The following APOBEC1 variants were observed in gnomAD, a reference collection of about 807,000 sequenced individuals.
APOBEC1 encodes apolipoprotein B mRNA editing enzyme catalytic subunit 1.
Under a neutral mutation model 26.3 loss-of-function variants are expected in APOBEC1, and 22 were observed. The ratio of observed to expected loss-of-function variants is 0.84; its 90% confidence interval spans 0.60 to 1.19. The LOEUF (loss-of-function observed/expected upper bound fraction) is 1.19. APOBEC1 is among the 50% of genes most tolerant of loss of function. The probability of loss-of-function intolerance (pLI) is 0.00; values close to 1 mark genes in which losing one functional copy is unlikely to be tolerated. For missense variants in APOBEC1, 253 were observed against 289.0 expected (o/e 0.88, Z 0.90); for synonymous variants, 77 against 95.3 (o/e 0.81, Z 1.12).
intron 1 of APOBEC1, among the ~76,000 whole-genome samples, chr12:7,662,214 A>G (rs1224188695): frequency 2.0e-5 from 3 of 152,204 alleles, no homozygotes. Flanking sequence ...ACAGTGAGCC[A>G]TGATCGCCAT....
chr12:7,663,041 T>A (rs1249457119), intron 1 of APOBEC1, among the ~76,000 whole-genome samples: 3 of 152,046 alleles, frequency 2.0e-5, no homozygotes, highest in Non-Finnish European at 4.4e-5. Context: ...TTCCTGGCAA[T>A]AAAATGGGCG....
chr12:7,659,102 C>T (rs1214091426), intron 1 of APOBEC1, among the ~76,000 whole-genome samples: 1 of 149,792 alleles, frequency 6.7e-6, no homozygotes, highest in Non-Finnish European at 1.5e-5. Context: ...CGAGACCAGC[C>T]TGACCAACAT....
chr12:7,649,875 G>A (rs889892920), intron 4 of APOBEC1, among the ~76,000 whole-genome samples, 179 bp from the exon 5 acceptor site: 2 of 151,922 alleles, frequency 1.3e-5, no homozygotes, highest in African/African-American at 4.8e-5. Context: ...GAGCGCAGTG[G>A]TGCAATCACA....
intron 4 of APOBEC1, 88 bp from the exon 5 acceptor site, chr12:7,649,784 G>A: frequency 9.2e-7 from 1 of 1,082,828 alleles, no homozygotes; most frequent in South Asian, 1.6e-5. Flanking sequence ...AATGTCAGTT[G>A]GAAGACGATT....
Position 7,651,112 on chromosome 12 carries a change from T to A in APOBEC1, c.472A>T (p.Asn158Tyr). 6.2e-7 allele frequency: 1 copy of A among 1,613,946 alleles called. No individual in the cohort carries two copies. The highest frequency in any genetic ancestry group is 8.5e-7 in the Non-Finnish European group (1 of 1,179,922). The change falls in exon 4 of 5, where the codon AAC becomes TAC. Residue 158 changes from asparagine to tyrosine, a missense_variant. Coordinates refer to ENST00000229304, the MANE Select transcript of APOBEC1 (RefSeq NM_001644.5). ...TGAGCTTCATCCCCAGGTGGGTAGT[T>A]GACAAAATTCCTCCAGCAGTGATAA... ...EYYHCWRNFV[N>Y]YPPGDEAHWP...
chr12:7,651,269 C>T (rs1418550026), intron 3 of APOBEC1, 128 bp from the exon 4 acceptor site: 1 of 665,782 alleles, frequency 1.5e-6, no homozygotes, highest in East Asian at 2.7e-5. Flanking sequence ...CATTAGACCC[C>T]CTAAAAAGAA....
chr12:7,665,125 A>G (rs772649744), intron 1 of APOBEC1, among the ~76,000 whole-genome samples: 2 of 152,152 alleles, frequency 1.3e-5, no homozygotes, highest in Admixed American at 6.6e-5. Context: ...AGCTGAAATT[A>G]CTTCCTTCAG....
At chr12:7,650,221 A>G (rs1209731038) in intron 4 of APOBEC1, among the ~76,000 whole-genome samples, 1 of 152,208 alleles carries the variant, frequency 6.6e-6, no homozygotes, top group Admixed American at 6.5e-5. Flanking sequence ...TAGAGCCAAT[A>G]TGTGTTGTAG....
chr12:7,661,037 C>CAAAAAAAAAAAAA (rs764452957), intron 1 of APOBEC1, among the ~76,000 whole-genome samples: 1 of 91,054 alleles, frequency 1.1e-5, no homozygotes, highest in African/African-American at 3.9e-5. Context: ...ACTAAAAATA[C>CAAAAAAAAAAAAA]AAAAAAAAAA....
intron 1 of APOBEC1, among the ~76,000 whole-genome samples, chr12:7,664,598 C>A (rs768542127): frequency 7.2e-5 from 11 of 152,134 alleles, no homozygotes; most frequent in Non-Finnish European, 1.5e-4. Context: ...AACCTGGAAT[C>A]TCCTCTTCTT....
chr12:7,666,965 G>A (rs932086363), upstream of APOBEC1, among the ~76,000 whole-genome samples: 17 of 150,240 alleles, frequency 1.1e-4, no homozygotes, highest in Non-Finnish European at 2.4e-4. Flanking sequence ...AGGCTGAAGT[G>A]CAATGGCGCG....
At chr12:7,662,569 C>T (rs879355569) in intron 1 of APOBEC1, among the ~76,000 whole-genome samples, 2 of 151,824 alleles carry the variant, frequency 1.3e-5, no homozygotes, top group Admixed American at 6.6e-5. Flanking sequence ...GGCGACAGAG[C>T]GAGAGAGACT....
intron 1 of APOBEC1, among the ~76,000 whole-genome samples, chr12:7,658,957 AG>A (rs1474962714): frequency 3.5e-4 from 20 of 57,774 alleles, no homozygotes; most frequent in Non-Finnish European, 1.7e-4. Flanking sequence ...CCATGTCAAA[AG>A]AAAAAAAAAA....
chr12:7,652,228 G>A (rs1433189913), intron 3 of APOBEC1, among the ~76,000 whole-genome samples: 1 of 152,198 alleles, frequency 6.6e-6, no homozygotes, highest in Non-Finnish European at 1.5e-5. Context: ...AAAGTTCTGG[G>A]ATTATAGGCA....
rs769610445 is a variant in APOBEC1 at position 7,662,073 on chromosome 12, C to G, written c.16+3784G>C. Among the ~76,000 whole-genome samples, 5 of 121,138 alleles carry G rather than the reference C, an allele frequency of 4.1e-5. No homozygotes were observed. The South Asian group carries it at 1.6e-3, about 40-fold the overall frequency. The allele number at this position is 121,138 out of a possible 152,430, so 79.5% of individuals were successfully genotyped here. A position where few individuals can be genotyped will look rare whatever the true frequency, so the allele number is the denominator to read the frequency against. ...TACCGTAAGCAACACAGCAAGACCC[C>G]GTCTCTAAAAACAAAACAAAACAAA... On this transcript the variant is annotated intron_variant, in intron 1 of 4. Coordinates refer to ENST00000229304, the MANE Select transcript of APOBEC1 (RefSeq NM_001644.5).
intron 1 of APOBEC1, among the ~76,000 whole-genome samples, chr12:7,661,260 G>A (rs1470019667): frequency 6.7e-6 from 1 of 150,012 alleles, no homozygotes; most frequent in East Asian, 1.9e-4. Context: ...AGTCCAAAAG[G>A]ACTGAGGGAG....
chr12:7,660,606 G>A lies in APOBEC1; in HGVS notation c.16+5251C>T, dbSNP rs1283545838. ...TAATCCCAGCTACTCAGGAGGCCGA[G>A]GCACAAGAATCGCTTGAACCCGGGA... On this transcript the variant is annotated intron_variant, in intron 1 of 4. Coordinates refer to ENST00000229304, the MANE Select transcript of APOBEC1 (RefSeq NM_001644.5). Among the ~76,000 whole-genome samples, 8 of 149,578 alleles carry A rather than the reference G, an allele frequency of 5.3e-5. No individual in the cohort carries two copies. In the Admixed American group the frequency reaches 5.4e-4, roughly 10 times the overall value.
intron 1 of APOBEC1, among the ~76,000 whole-genome samples, chr12:7,656,395 T>C (rs1018327799): frequency 6.6e-6 from 1 of 152,128 alleles, no homozygotes; most frequent in African/African-American, 2.4e-5. Context: ...AGCAGTACTT[T>C]GTTTAGATGG....
intron 1 of APOBEC1, among the ~76,000 whole-genome samples, chr12:7,660,748 A>G (rs1426177351): frequency 6.6e-6 from 1 of 151,746 alleles, no homozygotes; most frequent in Non-Finnish European, 1.5e-5. Flanking sequence ...ATACAGCTAT[A>G]CAAAAGAATG....
Sources: gnomAD v4.1 joint callset for allele counts (sites outside exome capture counted in the v4.1 genomes callset) on GRCh38, gnomAD v4.1.1 for gene constraint, MANE v1.5 for transcripts, NCBI Gene and HGNC (gene_info 2026-07-23, HGNC 2026-07-21) for gene names.